SYNE2: variants seen among roughly 807,000 people sequenced by gnomAD.
The protein encoded by SYNE2 is nesprin-2.
A neutral mutation model predicts 856.3 loss-of-function variants in SYNE2; 431 were observed. The observed-to-expected ratio is 0.50, with a 90% CI of 0.47 to 0.55. The LOEUF is 0.55. Ranked by LOEUF, SYNE2 falls within the 20% of genes least tolerant of loss-of-function variation. The probability of loss-of-function intolerance (pLI) is 0.00; values close to 1 mark genes in which losing one functional copy is unlikely to be tolerated. For missense variants in SYNE2, 8,129 were observed against 8,023.2 expected (o/e 1.01, Z -0.50); for synonymous variants, 2,923 against 2,872.3 (o/e 1.02, Z -0.56).
chr14:63,976,818 A>T (rs1204793149), intron 12 of SYNE2, 91 bp downstream of exon 12: 1 of 1,371,642 alleles, frequency 7.3e-7, no homozygotes, highest in Non-Finnish European at 1.0e-6. Context: ...GAAGAGAAGG[A>T]TAATAGTGGA....
At chr14:64,141,822 TG>T in intron 81 of SYNE2, 119 bp from the exon 82 acceptor site, 7 of 1,317,880 alleles carry the variant, frequency 5.3e-6, no homozygotes, top group South Asian at 1.4e-5. Context: ...GTTTTTTTTT[TG>T]AGTAACCTGC....
chr14:64,212,136 C>T (rs774910294), intron 104 of SYNE2, 38 bp downstream of exon 104: 1 of 1,612,818 alleles, frequency 6.2e-7, no homozygotes, highest in Admixed American at 1.7e-5. Flanking sequence ...CTCAAAAGAA[C>T]ACACCTTTGC....
At chr14:63,780,914 C>G (rs897125615) in intron 1 of SYNE2, among the ~76,000 whole-genome samples, 8 of 152,058 alleles carry the variant, frequency 5.3e-5, no homozygotes, top group African/African-American at 1.9e-4. Context: ...AACAAAGGAG[C>G]TTTCTGGGGT....
At chr14:63,864,924 T>G (rs1435812171) in intron 1 of SYNE2, among the ~76,000 whole-genome samples, 1 of 152,064 alleles carries the variant, frequency 6.6e-6, no homozygotes, top group Non-Finnish European at 1.5e-5. Context: ...CAAGTGAATT[T>G]TAGAAATGTC....
At chr14:63,901,120 A>C (rs1204540200) in intron 1 of SYNE2, among the ~76,000 whole-genome samples, 1 of 152,236 alleles carries the variant, frequency 6.6e-6, no homozygotes, top group Non-Finnish European at 1.5e-5. Context: ...GTGGTTTTTC[A>C]GTTAGACTGG....
chr14:64,180,080 A>G (rs1040439817), intron 96 of SYNE2, among the ~76,000 whole-genome samples: 2 of 152,130 alleles, frequency 1.3e-5, no homozygotes, highest in Non-Finnish European at 2.9e-5. Context: ...CCATTTTCTA[A>G]TTTTATTCGT....
Position 64,209,965 on chromosome 14 carries a change from G to A in SYNE2, c.18564G>A (p.Glu6188=), listed in dbSNP as rs766542908. 70 of 1,614,022 alleles carry A rather than the reference G, an allele frequency of 4.3e-5. No individual in the cohort carries two copies. Among genetic ancestry groups the A allele is most frequent in the Non-Finnish European group, 5.4e-5 (64 of 1,180,048 alleles). Residue 6188 remains glutamate (E), a synonymous_variant, in exon 103 of 116, where the codon GAG becomes GAA. Transcript: ENST00000555002. ...RFEAFQRQIH[E]RLTQLELINK... ...AGGCCTTTCAGCGGCAGATTCATGA[G>A]CGGCTCACTCAGCTGGAGCTCATCA...
intron 1 of SYNE2, among the ~76,000 whole-genome samples, chr14:63,902,137 G>A (rs986490573): frequency 1.3e-5 from 2 of 152,060 alleles, no homozygotes; most frequent in African/African-American, 2.4e-5. Flanking sequence ...AAGGTCAGGC[G>A]TGGTGGCTCA....
At chr14:63,857,482 G>A (rs1489685785) in intron 1 of SYNE2, among the ~76,000 whole-genome samples, 1 of 152,124 alleles carries the variant, frequency 6.6e-6, no homozygotes, top group East Asian at 1.9e-4. Context: ...CCCCTGGGTA[G>A]ATGTCTAGGA....
At chr14:64,189,928 G>T in intron 98 of SYNE2, 143 bp from the exon 99 acceptor site, 2 of 916,972 alleles carry the variant, frequency 2.2e-6, no homozygotes, top group Non-Finnish European at 3.3e-6. Flanking sequence ...TTCCCAAACT[G>T]CTGGGATTAT....
intron 1 of SYNE2, among the ~76,000 whole-genome samples, chr14:63,807,891 G>A (rs1260639703): frequency 5.8e-5 from 7 of 121,268 alleles, no homozygotes; most frequent in African/African-American, 1.5e-4. Context: ...GGGAACAAGT[G>A]GTGTTTGGTT....
intron 104 of SYNE2, 87 bp downstream of exon 104, chr14:64,212,185 CTG>C: frequency 6.3e-7 from 1 of 1,598,406 alleles, no homozygotes; most frequent in Non-Finnish European, 8.5e-7. Flanking sequence ...ACACGATACT[CTG>C]AGAGCAAATT....
chr14:63,904,273 CAA>C (rs1205699942), intron 1 of SYNE2, among the ~76,000 whole-genome samples: 4 of 152,078 alleles, frequency 2.6e-5, no homozygotes, highest in African/African-American at 9.7e-5. Flanking sequence ...AGTAACCTGG[CAA>C]TAAACTTATG....
rs1281535945 is a variant in SYNE2 at position 64,087,401 on chromosome 14, T to C, written c.11485-270T>C. On this transcript the variant is annotated intron_variant, in intron 57 of 115. Transcript: ENST00000555002. ...TTATGTATAATAAAAGACACTTCTC[T>C]CTCCCCTATTATTAAAGGATTCCAA... 6.5e-6 allele frequency: 4 copies of C among 613,800 alleles called. No individual in the cohort carries two copies. The African/African-American group carries it at 7.3e-5, about 11-fold the overall frequency. The allele number at this position is 613,800 out of a possible 1,614,324, so 38.0% of individuals were successfully genotyped here.
chr14:63,940,265 A>C (rs969006468), intron 2 of SYNE2, among the ~76,000 whole-genome samples: 4 of 152,094 alleles, frequency 2.6e-5, no homozygotes, highest in Non-Finnish European at 4.4e-5. Flanking sequence ...TATGTTGTCC[A>C]GGCTGGTCTC....
intron 11 of SYNE2, among the ~76,000 whole-genome samples, chr14:63,973,058 T>G (rs1321944689): frequency 6.6e-6 from 1 of 150,790 alleles, no homozygotes; most frequent in South Asian, 2.1e-4. Context: ...AGTTCAAGAC[T>G]AGCCCTGGCC....
chr14:64,186,403 C>T (rs551273032), intron 96 of SYNE2, 21 bp from the exon 97 acceptor site: 53 of 1,614,038 alleles, frequency 3.3e-5, no homozygotes, highest in Admixed American at 1.3e-4. Flanking sequence ...CTTTTTACCC[C>T]CTTCTTGTGA....
intron 2 of SYNE2, among the ~76,000 whole-genome samples, chr14:63,930,107 A>G (rs1038383218): frequency 6.6e-5 from 10 of 152,228 alleles, no homozygotes; most frequent in Admixed American, 5.2e-4. Context: ...TGACATAGGT[A>G]GAACCCTGTC....
At chr14:64,151,373 A>G (rs2153703031) in intron 84 of SYNE2, among the ~76,000 whole-genome samples, 1 of 142,028 alleles carries the variant, frequency 7.0e-6, no homozygotes, top group Middle Eastern at 3.8e-3. Flanking sequence ...CGAGGCACTC[A>G]TGTTTCTCTT....
Sources: gnomAD v4.1 joint callset for allele counts (sites outside exome capture counted in the v4.1 genomes callset) on GRCh38, gnomAD v4.1.1 for gene constraint, MANE v1.5 for transcripts, NCBI Gene and HGNC (gene_info 2026-07-23, HGNC 2026-07-21) for gene names.